The following FOXP1 variants were observed in gnomAD, a reference collection of about 807,000 sequenced individuals.
The protein encoded by FOXP1 is forkhead box protein P1.
Under a neutral mutation model 98.2 loss-of-function variants are expected in FOXP1, and 15 were observed. That is an observed-to-expected ratio of 0.15 (90% CI 0.10 to 0.24). The LOEUF (loss-of-function observed/expected upper bound fraction) is 0.24. FOXP1 is among the 10% of genes least tolerant of loss of function. FOXP1 has a pLI of 1.00. For synonymous variants in FOXP1, 371 were observed against 314.5 expected (o/e 1.18, Z -1.90); for missense variants, 633 against 848.5 (o/e 0.75, Z 3.15).
Position 71,041,548 on chromosome 3 carries a change from T to A in FOXP1, c.665-16A>T. 6.2e-7 allele frequency: 1 copy of A among 1,611,498 alleles called. No homozygotes were observed. The highest frequency in any genetic ancestry group is 1.3e-5 in the African/African-American group (1 of 74,958). Reference sequence around the variant, plus strand: ...GGAATCATGCCTGAAACAAACAAATTGGATAATTAAATCAATTAACAGCTA... The same window carrying A: ...GGAATCATGCCTGAAACAAACAAATAGGATAATTAAATCAATTAACAGCTA... On this transcript the variant is annotated splice_polypyrimidine_tract_variant and intron_variant, in intron 10 of 20. Coordinates refer to ENST00000649528, the MANE Select transcript of FOXP1 (RefSeq NM_001349338.3).
chr3:71,496,452 T>A (rs937866322), intron 2 of FOXP1, among the ~76,000 whole-genome samples: 1 of 152,014 alleles, frequency 6.6e-6, no homozygotes, highest in African/African-American at 2.4e-5. Context: ...CTGGTGGAGG[T>A]TTCCTGTGGG....
intron 5 of FOXP1, among the ~76,000 whole-genome samples, chr3:71,240,736 A>G (rs911863884): frequency 3.2e-4 from 48 of 151,228 alleles, no homozygotes; most frequent in East Asian, 1.6e-3. Context: ...TAGTAGAGAC[A>G]GGGTTTCACC....
Position 71,227,561 on chromosome 3 carries a change from G to A in FOXP1, c.-11-29169C>T, listed in dbSNP as rs564399746. On this transcript the variant is annotated intron_variant, in intron 5 of 20. Coordinates refer to ENST00000649528, the MANE Select transcript of FOXP1 (RefSeq NM_001349338.3). ...TGAGACTTCTAGACATTTGATTAAGGAGTTATAAATCTTACAGTCTGACTT... is the reference window on the plus strand; with the variant it reads ...TGAGACTTCTAGACATTTGATTAAGAAGTTATAAATCTTACAGTCTGACTT... Among the ~76,000 whole-genome samples the A allele has an allele frequency of 2.7e-4, 41 of 152,130 alleles. 1 individual carries two copies. Among genetic ancestry groups the A allele is most frequent in the African/African-American group, 7.5e-4 (31 of 41,506 alleles).
At chr3:71,446,254 T>C (rs927943266) in intron 3 of FOXP1, among the ~76,000 whole-genome samples, 4 of 152,094 alleles carry the variant, frequency 2.6e-5, no homozygotes, top group African/African-American at 9.7e-5. Context: ...TTTTTTAATA[T>C]AACTATGAAA....
intron 4 of FOXP1, among the ~76,000 whole-genome samples, chr3:71,345,064 C>T (rs36047018): frequency 0.41 from 62,650 of 151,956 alleles, 14,618 homozygotes; most frequent in East Asian, 0.73. Flanking sequence ...TTTGGGGATA[C>T]AGGGAAGCAA....
chr3:71,496,189 G>A (rs937957818), intron 2 of FOXP1, among the ~76,000 whole-genome samples: 2 of 152,200 alleles, frequency 1.3e-5, no homozygotes, highest in South Asian at 2.1e-4. Context: ...GGATGGATGA[G>A]GTCATGCACT....
At chr3:71,298,790 A>T (rs775334734) in intron 5 of FOXP1, among the ~76,000 whole-genome samples, 1 of 152,212 alleles carries the variant, frequency 6.6e-6, no homozygotes, top group Non-Finnish European at 1.5e-5. Flanking sequence ...GGTGAGACTT[A>T]TCAAAAACTG....
At position 70,977,590 on chromosome 3, in the gene FOXP1, C is replaced by T. The variant is rs930783710; in HGVS notation, c.1428+53G>A. The T allele has an allele frequency of 1.3e-5, 18 of 1,367,090 alleles. No individual in the cohort carries two copies. The African/African-American group carries it at 2.3e-4, about 17-fold the overall frequency. The allele number at this position is 1,367,090 out of a possible 1,614,324, so 84.7% of individuals were successfully genotyped here. ...TAAATCTACTTCATCAATATATATC[C>T]ATGTACACATATACCTTCTGACAGA... is the stretch of plus-strand genomic sequence containing the variant. On this transcript the variant is annotated intron_variant, in intron 16 of 20. Coordinates refer to ENST00000649528, the MANE Select transcript of FOXP1 (RefSeq NM_001349338.3).
intron 14 of FOXP1, among the ~76,000 whole-genome samples, chr3:70,987,248 T>C (rs938547919): frequency 6.6e-6 from 1 of 152,156 alleles, no homozygotes; most frequent in African/African-American, 2.4e-5. Context: ...GTTAAAGAGA[T>C]CGATTTATTA....
intron 17 of FOXP1, among the ~76,000 whole-genome samples, chr3:70,974,616 C>T (rs2037105609): frequency 6.6e-6 from 1 of 152,232 alleles, no homozygotes; most frequent in African/African-American, 2.4e-5. Flanking sequence ...ATATATTGCC[C>T]AAAGGCATAC....
chr3:71,313,082 T>A (rs1170892868), intron 4 of FOXP1, among the ~76,000 whole-genome samples: 2 of 137,056 alleles, frequency 1.5e-5, no homozygotes, highest in African/African-American at 5.5e-5. Flanking sequence ...TTTTTTGAGA[T>A]GGAGTCTCGC....
At chr3:70,984,304 G>A (rs2039375193) in intron 14 of FOXP1, among the ~76,000 whole-genome samples, 1 of 152,068 alleles carries the variant, frequency 6.6e-6, no homozygotes, top group Admixed American at 6.6e-5. Context: ...GACCGATCTG[G>A]GCACCCACTC....
intron 6 of FOXP1, chr3:71,130,900 G>A (rs1257036642): frequency 7.3e-7 from 1 of 1,370,214 alleles, no homozygotes; most frequent in Non-Finnish European, 9.4e-7. Context: ...TCTGCAAGCA[G>A]CGACACAGCA....
At chr3:71,521,935 A>G (rs1189143938) in intron 2 of FOXP1, among the ~76,000 whole-genome samples, 1 of 152,210 alleles carries the variant, frequency 6.6e-6, no homozygotes, top group Non-Finnish European at 1.5e-5. Context: ...CTTGGCTCCA[A>G]TGCACCAAAC....
chr3:71,463,132 G>T (rs1444176467), intron 3 of FOXP1, among the ~76,000 whole-genome samples: 1 of 152,076 alleles, frequency 6.6e-6, no homozygotes, highest in Non-Finnish European at 1.5e-5. Flanking sequence ...GGAGGCTGAG[G>T]CAGGCAGATT....
At chr3:71,090,270 C>T (rs2055654567) in intron 7 of FOXP1, among the ~76,000 whole-genome samples, 2 of 152,196 alleles carry the variant, frequency 1.3e-5, no homozygotes, top group South Asian at 2.1e-4. Flanking sequence ...TTGGATATTC[C>T]CATGTTTTTC....
intron 5 of FOXP1, among the ~76,000 whole-genome samples, chr3:71,198,971 C>T (rs1418417764): frequency 6.6e-6 from 1 of 152,106 alleles, no homozygotes; most frequent in Admixed American, 6.6e-5. Context: ...ACTGGGATTG[C>T]AGCCACTGCG....
At chr3:70,964,989 ATG>A (rs2034435153) in intron 20 of FOXP1, among the ~76,000 whole-genome samples, 1 of 152,206 alleles carries the variant, frequency 6.6e-6, no homozygotes, top group Non-Finnish European at 1.5e-5. Flanking sequence ...TTCAGAAGTA[ATG>A]TGTAGACAAG....
chr3:71,055,273 T>C (rs1225321788), intron 7 of FOXP1, among the ~76,000 whole-genome samples: 4 of 152,172 alleles, frequency 2.6e-5, no homozygotes, highest in Non-Finnish European at 4.4e-5. Context: ...TCTCCACTGT[T>C]GTTGTGGGCT....
Sources: gnomAD v4.1 joint callset for allele counts (sites outside exome capture counted in the v4.1 genomes callset) on GRCh38, gnomAD v4.1.1 for gene constraint, MANE v1.5 for transcripts, NCBI Gene and HGNC (gene_info 2026-07-23, HGNC 2026-07-21) for gene names.